The following TRPC7 variants were observed in gnomAD, a reference collection of about 807,000 sequenced individuals.
TRPC7 encodes the protein short transient receptor potential channel 7.
A neutral mutation model predicts 90.1 loss-of-function variants in TRPC7; 42 were observed. That is an observed-to-expected ratio of 0.47 (90% CI 0.36 to 0.60). TRPC7 has a LOEUF of 0.60. Among genes scored for constraint, TRPC7 ranks in the 20% least tolerant of loss-of-function variants. TRPC7 has a pLI of 0.00. For missense variants in TRPC7, 955 were observed against 1,112.3 expected (o/e 0.86, Z 2.01); for synonymous variants, 451 against 436.3 (o/e 1.03, Z -0.42).
intron 3 of TRPC7, among the ~76,000 whole-genome samples, chr5:136,294,086 A>G (rs1303337384): frequency 6.6e-6 from 1 of 152,236 alleles, no homozygotes; most frequent in Non-Finnish European, 1.5e-5. Context: ...CTGGCTAGCC[A>G]TATGTAGAAA....
chr5:136,226,330 GAC>G (rs1413676616), intron 8 of TRPC7, 75 bp from the exon 9 acceptor site: 2 of 1,064,380 alleles, frequency 1.9e-6, no homozygotes, highest in Non-Finnish European at 2.8e-6. Flanking sequence ...GAGGAGCAGA[GAC>G]ACAGCCCCAA....
intron 2 of TRPC7, among the ~76,000 whole-genome samples, chr5:136,348,111 G>A (rs1178723852): frequency 1.3e-5 from 2 of 152,174 alleles, no homozygotes; most frequent in Non-Finnish European, 2.9e-5. Flanking sequence ...TTCTATAGCA[G>A]GTAGAGTAGA....
chr5:136,289,204 G>A (rs999182989), intron 3 of TRPC7, among the ~76,000 whole-genome samples: 2 of 152,210 alleles, frequency 1.3e-5, no homozygotes, highest in African/African-American at 4.8e-5. Context: ...AATAGGAACA[G>A]CTCCAGTCTA....
chr5:136,294,891 A>T (rs1321923894), intron 3 of TRPC7, among the ~76,000 whole-genome samples: 1 of 152,248 alleles, frequency 6.6e-6, no homozygotes, highest in Non-Finnish European at 1.5e-5. Flanking sequence ...AATCAACCCA[A>T]ATGTCCAGCA....
chr5:136,294,645 T>C (rs1561705905), intron 3 of TRPC7, among the ~76,000 whole-genome samples: 1 of 151,940 alleles, frequency 6.6e-6, no homozygotes, highest in Non-Finnish European at 1.5e-5. Context: ...AAACAACAGG[T>C]GCTAGAGAGG....
intron 3 of TRPC7, among the ~76,000 whole-genome samples, chr5:136,277,892 C>A (rs1243567008): frequency 6.6e-6 from 1 of 152,218 alleles, no homozygotes; most frequent in African/African-American, 2.4e-5. Flanking sequence ...ACTGATGTGA[C>A]TGCCTAGATT....
chr5:136,251,920 T>A, intron 5 of TRPC7, 38 bp from the exon 6 acceptor site: 1 of 1,569,244 alleles, frequency 6.4e-7, no homozygotes, highest in Non-Finnish European at 8.8e-7. Context: ...ACTTTTCGTT[T>A]CTCTTGGCAT....
chr5:136,248,264 C>T (rs1756408717), intron 6 of TRPC7, among the ~76,000 whole-genome samples: 1 of 152,242 alleles, frequency 6.6e-6, no homozygotes, highest in South Asian at 2.1e-4. Context: ...CTACTGGCCA[C>T]ATGACTCTGA....
At chr5:136,302,462 C>G (rs1326950430) in intron 3 of TRPC7, among the ~76,000 whole-genome samples, 1 of 152,156 alleles carries the variant, frequency 6.6e-6, no homozygotes, top group Non-Finnish European at 1.5e-5. Flanking sequence ...CATGCCCCGA[C>G]CCCTTTCCCA....
At chr5:136,223,687 T>C (rs560447925) in intron 10 of TRPC7, among the ~76,000 whole-genome samples, 3 of 152,212 alleles carry the variant, frequency 2.0e-5, no homozygotes, top group Non-Finnish European at 4.4e-5. Flanking sequence ...AAAGGATTCA[T>C]TCTGGAATGG....
At chr5:136,259,312 C>T (rs145936018) in intron 5 of TRPC7, among the ~76,000 whole-genome samples, 35 of 152,326 alleles carry the variant, frequency 2.3e-4, no homozygotes, top group African/African-American at 8.2e-4. Flanking sequence ...CCATGCCCTC[C>T]ACTGGGAACA....
intron 7 of TRPC7, among the ~76,000 whole-genome samples, chr5:136,242,939 C>T (rs1756215745): frequency 6.6e-6 from 1 of 152,156 alleles, no homozygotes; most frequent in Non-Finnish European, 1.5e-5. Flanking sequence ...TTTAATCCAT[C>T]CATTTTCTTC....
chr5:136,355,353 T>C (rs1273577071), intron 2 of TRPC7, among the ~76,000 whole-genome samples: 1 of 152,204 alleles, frequency 6.6e-6, no homozygotes, highest in Non-Finnish European at 1.5e-5. Context: ...ATGGTTTCGC[T>C]ATTTACTAGC....
chr5:136,266,974 A>G lies in TRPC7; in HGVS notation c.1129-538T>C, dbSNP rs112071248. Among the ~76,000 whole-genome samples the G allele has an allele frequency of 3.5e-3, 529 of 152,318 alleles. 5 individuals are homozygous for G. Among genetic ancestry groups the G allele is most frequent in the African/African-American group, 0.012 (492 of 41,576 alleles). ...ATTGACATTCTGTTATAAATATTTT[A>G]TAAATTATATTGTGATTTCATTTTT... On this transcript the variant is annotated intron_variant, in intron 4 of 11. Coordinates refer to ENST00000513104, the MANE Select transcript of TRPC7 (RefSeq NM_020389.3).
intron 3 of TRPC7, among the ~76,000 whole-genome samples, chr5:136,312,730 G>A (rs1362354489): frequency 1.3e-5 from 2 of 152,096 alleles, no homozygotes; most frequent in Non-Finnish European, 2.9e-5. Flanking sequence ...GCCAGCCAGA[G>A]GTCCAGACAT....
chr5:136,321,903 A>T (rs1483657708), intron 2 of TRPC7, among the ~76,000 whole-genome samples: 1 of 152,146 alleles, frequency 6.6e-6, no homozygotes, highest in African/African-American at 2.4e-5. Context: ...TTTCACATCC[A>T]CTATATGGAT....
chr5:136,304,917 C>A (rs1758553590), intron 3 of TRPC7, among the ~76,000 whole-genome samples: 2 of 152,354 alleles, frequency 1.3e-5, no homozygotes, highest in South Asian at 2.1e-4. Flanking sequence ...GTCCAAACAA[C>A]TTGACCTTAC....
rs1281562854 is a variant in TRPC7 at position 136,356,766 on chromosome 5, G to T, written c.622C>A (p.Arg208=). The part of the protein sequence containing the change: ...CKCNECTEKQ[R]KDSFSHSRSR... ...CGCGAGTGGCTGAAGGAGTCTTTCCGCTGTTTCTCGGTGCACTCATTGCAC... is the reference window on the plus strand; with the variant it reads ...CGCGAGTGGCTGAAGGAGTCTTTCCTCTGTTTCTCGGTGCACTCATTGCAC... The change falls in exon 2 of 12, where the codon CGG becomes AGG. Residue 208 remains arginine, a synonymous_variant. Coordinates refer to ENST00000513104, the MANE Select transcript of TRPC7 (RefSeq NM_020389.3). The T allele has an allele frequency of 6.2e-7, 1 of 1,612,082 alleles. No individual in the cohort carries two copies. Among genetic ancestry groups the T allele is most frequent in the South Asian group, 1.1e-5 (1 of 90,988 alleles).
intron 1 of TRPC7, among the ~76,000 whole-genome samples, chr5:136,363,413 G>A (rs1015674068): frequency 3.9e-5 from 6 of 151,998 alleles, no homozygotes; most frequent in African/African-American, 1.4e-4. Flanking sequence ...GTGGGTTTAA[G>A]GCATTTAAGT....
Sources: gnomAD v4.1 joint callset for allele counts (sites outside exome capture counted in the v4.1 genomes callset) on GRCh38, gnomAD v4.1.1 for gene constraint, MANE v1.5 for transcripts, NCBI Gene and HGNC (gene_info 2026-07-23, HGNC 2026-07-21) for gene names.